The following PDE8B variants were observed in gnomAD, a reference collection of about 807,000 sequenced individuals.
PDE8B encodes the protein high affinity cAMP-specific and IBMX-insensitive 3',5'-cyclic phosphodiesterase 8B.
A neutral mutation model predicts 101.3 loss-of-function variants in PDE8B; 26 were observed. The ratio of observed to expected loss-of-function variants is 0.26; its 90% CI spans 0.19 to 0.36. The LOEUF is 0.36. Ranked by LOEUF, PDE8B falls within the 10% of genes least tolerant of loss-of-function variation. The pLI is 1.00. For missense variants in PDE8B, 810 were observed against 1,163.1 expected (o/e 0.70, Z 4.42); for synonymous variants, 424 against 429.3 (o/e 0.99, Z 0.15).
Position 77,352,775 on chromosome 5 carries a change from C to T in PDE8B, c.1107-571C>T, listed in dbSNP as rs142621377. On this transcript the variant is annotated intron_variant, in intron 9 of 21. Transcript: ENST00000264917. ...CTGATTTTTGCATGGGGCTGAGGCA[C>T]CTGTCATCTTTTGCCCGGTTTTCCT... is the stretch of plus-strand genomic sequence containing the variant. Among the ~76,000 whole-genome samples the T allele has an allele frequency of 3.3e-3, 510 of 152,260 alleles. 1 individual carries two copies. The highest frequency in any genetic ancestry group is 0.012 in the African/African-American group (493 of 41,530).
At chr5:77,406,161 C>T (rs1227930394) in intron 12 of PDE8B, among the ~76,000 whole-genome samples, 2 of 152,090 alleles carry the variant, frequency 1.3e-5, no homozygotes, top group African/African-American at 4.8e-5. Context: ...TGACGCATGC[C>T]TTAATCCCAG....
At chr5:77,277,855 G>T (rs138469358) in intron 1 of PDE8B, among the ~76,000 whole-genome samples, 251 of 152,278 alleles carry the variant, frequency 1.6e-3, no homozygotes, top group African/African-American at 5.7e-3. Context: ...TTTGAAGAAT[G>T]ATTATTTTAA....
the PDE8B span, chr5:77,144,469 G>A: frequency 6.6e-6 from 1 of 152,180 alleles, no homozygotes; most frequent in East Asian, 1.9e-4. Flanking sequence ...CATAGGGACG[G>A]TGTCCGCTGA....
chr5:77,277,667 T>C lies in PDE8B; in HGVS notation c.340-34327T>C, dbSNP rs563892783. ...TGCATTTTACCTGCCATTTCTCTTC[T>C]TTCTCTTTTGTTCATTTTACAGGAA... On this transcript the variant is annotated intron_variant, in intron 1 of 21. Coordinates refer to ENST00000264917, the MANE Select transcript of PDE8B (RefSeq NM_003719.5). Among the ~76,000 whole-genome samples, 6 of 152,344 alleles carry C rather than the reference T, an allele frequency of 3.9e-5. No individual in the cohort carries two copies. In the South Asian group the frequency reaches 1.2e-3, roughly 32 times the overall value.
chr5:77,131,179 C>T, the PDE8B span: 1 of 152,240 alleles, frequency 6.6e-6, no homozygotes, highest in Non-Finnish European at 1.5e-5. Context: ...AAGGAGACCT[C>T]TTCCTATCCC....
the PDE8B span, chr5:77,131,162 C>A: frequency 0.34 from 51,411 of 152,202 alleles, 8,969 homozygotes; most frequent in Non-Finnish European, 0.39. Flanking sequence ...CGAGAGACAT[C>A]TGGAGAAAGG....
the PDE8B span, among the ~76,000 whole-genome samples, chr5:77,110,234 C>T: frequency 7.9e-5 from 12 of 151,958 alleles, no homozygotes; most frequent in African/African-American, 2.2e-4. Flanking sequence ...CCACCGTGTC[C>T]GGCCTCACAA....
At chr5:77,311,675 T>C (rs934938044) in intron 1 of PDE8B, among the ~76,000 whole-genome samples, 1 of 152,250 alleles carries the variant, frequency 6.6e-6, no homozygotes, top group African/African-American at 2.4e-5. Context: ...TGAATTCTTT[T>C]CTTCCATAAA....
At chr5:77,251,801 T>A (rs1758122866) in intron 1 of PDE8B, among the ~76,000 whole-genome samples, 1 of 152,254 alleles carries the variant, frequency 6.6e-6, no homozygotes, top group Admixed American at 6.5e-5. Flanking sequence ...ATTCTTCCAC[T>A]GATTTATTAA....
chr5:77,203,514 CTGGG>C, the PDE8B span, among the ~76,000 whole-genome samples: 15 of 152,122 alleles, frequency 9.9e-5, no homozygotes, highest in African/African-American at 3.6e-4. Flanking sequence ...GGCTGGCTGG[CTGGG>C]TGGATGGATG....
At chr5:77,223,378 T>TC (rs70988659) in intron 1 of PDE8B, among the ~76,000 whole-genome samples, 6 of 95,090 alleles carry the variant, frequency 6.3e-5, no homozygotes, top group Non-Finnish European at 1.2e-4. Context: ...ATGCTATCCC[T>TC]CCCCCCTCCC....
At chr5:77,332,418 A>C (rs1370212396) in intron 5 of PDE8B, among the ~76,000 whole-genome samples, 1 of 152,208 alleles carries the variant, frequency 6.6e-6, no homozygotes, top group African/African-American at 2.4e-5. Context: ...TCCTGGCTTA[A>C]ACTATAAACA....
chr5:77,423,632 G>GTTTTTTTT lies in PDE8B; in HGVS notation c.2418+1664_2418+1671dup, dbSNP rs71594634. Among the ~76,000 whole-genome samples, 548 of 73,954 alleles carry GTTTTTTTT rather than the reference G, an allele frequency of 7.4e-3. 95 individuals are homozygous for GTTTTTTTT. The highest frequency in any genetic ancestry group is 0.019 in the Middle Eastern group (2 of 108). The allele number at this position is 73,954 out of a possible 152,430, so 48.5% of individuals were successfully genotyped here. The stretch of plus-strand genomic sequence containing the variant: ...TGATGCTGGACTTTTGTTTTGTTTA[G>GTTTTTTTT]TTTTTTTTTTTTTTTTTTTTTTTTT... On this transcript the variant is annotated intron_variant, in intron 20 of 21. Transcript: ENST00000264917.
chr5:77,266,169 G>A (rs1403793163), intron 1 of PDE8B, among the ~76,000 whole-genome samples: 1 of 152,180 alleles, frequency 6.6e-6, no homozygotes, highest in African/African-American at 2.4e-5. Context: ...GTTTGTTTAT[G>A]TCTAATCCCA....
chr5:77,384,320 A>G (rs978579554), intron 10 of PDE8B, among the ~76,000 whole-genome samples: 13 of 152,160 alleles, frequency 8.5e-5, no homozygotes, highest in Admixed American at 7.2e-4. Flanking sequence ...ATTTTTGCAC[A>G]TTGATTTTGT....
intron 1 of PDE8B, among the ~76,000 whole-genome samples, chr5:77,267,948 T>C (rs1762078141): frequency 6.6e-6 from 1 of 152,136 alleles, no homozygotes; most frequent in Non-Finnish European, 1.5e-5. Context: ...CACATACCAA[T>C]GAACAGATTC....
In PDE8B at chr5:77,421,973, G is replaced by A. The variant is rs1796743535; in HGVS notation, c.2403G>A (p.Glu801=). 6.2e-7 allele frequency: 1 copy of A among 1,614,012 alleles called. No individual in the cohort carries two copies. Among genetic ancestry groups the A allele is most frequent in the African/African-American group, 1.3e-5 (1 of 74,938 alleles). The change falls in exon 20 of 22, where the codon GAG becomes GAA. Residue 801 remains glutamate, a synonymous_variant. Coordinates refer to ENST00000264917, the MANE Select transcript of PDE8B (RefSeq NM_003719.5). ...LCIEWAGRIS[E]EYFAQTDEEK... ...TTGAATGGGCTGGGAGGATCTCTGA[G>A]GAGTATTTTGCACAGGTGCGCCATC...
In PDE8B at chr5:77,407,912, CA is replaced by C. The variant is rs200018043; in HGVS notation, c.1365+456del. On this transcript the variant is annotated intron_variant, in intron 13 of 21. Transcript: ENST00000264917. ...AGAGAGGAGGAGGATGTAGGTTGTA[CA>C]GGGCTCAGCTCATTCTGGACAGCAG... is the stretch of plus-strand genomic sequence containing the variant. 3.4e-4 allele frequency among the ~76,000 whole-genome samples: 52 copies of C among 152,218 alleles called. 1 individual carries two copies. In the East Asian group the frequency reaches 0.01, roughly 29 times the overall value.
intron 1 of PDE8B, among the ~76,000 whole-genome samples, chr5:77,266,809 G>A (rs1328183117): frequency 2.6e-5 from 4 of 151,682 alleles, no homozygotes; most frequent in Non-Finnish European, 4.4e-5. Flanking sequence ...TCATGTTGGT[G>A]GGCCCCTGCC....
Sources: gnomAD v4.1 joint callset for allele counts (sites outside exome capture counted in the v4.1 genomes callset) on GRCh38, gnomAD v4.1.1 for gene constraint, MANE v1.5 for transcripts, NCBI Gene and HGNC (gene_info 2026-07-23, HGNC 2026-07-21) for gene names.